HDGFL3: variants seen among roughly 807,000 people sequenced by gnomAD.
The protein encoded by HDGFL3 is hepatoma-derived growth factor-related protein 3.
HDGFL3 carries 6 observed loss-of-function variants against 27.6 expected under a neutral mutation model. That is an observed-to-expected ratio of 0.22 (90% confidence interval 0.12 to 0.43). HDGFL3 has a LOEUF of 0.43. Among genes scored for constraint, HDGFL3 ranks in the 20% least tolerant of loss-of-function variants. The pLI, the probability that HDGFL3 is intolerant of heterozygous loss-of-function variation, is 1.00. For synonymous variants in HDGFL3, 88 were observed against 88.9 expected, an observed-to-expected ratio of 0.99 and a Z score of 0.05; for missense variants, 207 against 250.1, an observed-to-expected ratio of 0.83 and a Z score of 1.16.
At chr15:83,171,046 GCTA>G (rs1178255494) in intron 1 of HDGFL3, among the ~76,000 whole-genome samples, 5 of 151,962 alleles carry the variant, frequency 3.3e-5, no homozygotes, top group South Asian at 2.1e-4. Context: ...AGTCATAATG[GCTA>G]CTATTTTCTT....
intron 2 of HDGFL3, 102 bp downstream of exon 2, chr15:83,163,897 T>C: frequency 1.3e-6 from 1 of 775,408 alleles, no homozygotes. Context: ...ATATAACTGA[T>C]TATAATGATT....
At chr15:83,167,330 G>A (rs181455854) in intron 1 of HDGFL3, among the ~76,000 whole-genome samples, 1 of 152,096 alleles carries the variant, frequency 6.6e-6, no homozygotes, top group Non-Finnish European at 1.5e-5. Flanking sequence ...CCGAGGCAGG[G>A]GGATCACCCG....
rs528486424 is a variant in HDGFL3 at position 83,174,654 on chromosome 15, C to T, written c.85-10579G>A. The stretch of plus-strand genomic sequence containing the variant: ...AACAGATCTCCAGAAAATGATCATG[C>T]TTTAAATGGCCAAAAATAAAACTTA... On this transcript the variant is annotated intron_variant, in intron 1 of 5. Transcript: ENST00000299633. Among the ~76,000 whole-genome samples the T allele has an allele frequency of 7.9e-5, 12 of 152,154 alleles. No individual in the cohort carries two copies. In the South Asian group the frequency reaches 2.5e-3, roughly 32 times the overall value.
intron 1 of HDGFL3, among the ~76,000 whole-genome samples, chr15:83,190,848 G>A (rs2037503083): frequency 6.6e-6 from 1 of 151,948 alleles, no homozygotes; most frequent in Non-Finnish European, 1.5e-5. Context: ...CTTACTCCAG[G>A]GACACAATGA....
chr15:83,125,791 G>A (rs942692721), downstream of HDGFL3, among the ~76,000 whole-genome samples: 2 of 152,340 alleles, frequency 1.3e-5, no homozygotes, highest in Non-Finnish European at 1.5e-5. Context: ...GGGCTACTGG[G>A]GGCCTGTGCA....
chr15:83,159,402 T>C (rs759043286), intron 2 of HDGFL3, among the ~76,000 whole-genome samples: 9 of 152,184 alleles, frequency 5.9e-5, no homozygotes, highest in Non-Finnish European at 1.0e-4. Flanking sequence ...TCAACAAACA[T>C]TGATTGAACA....
At chr15:83,145,984 C>T (rs1596546298) in intron 5 of HDGFL3, among the ~76,000 whole-genome samples, 1 of 129,854 alleles carries the variant, frequency 7.7e-6, no homozygotes, top group Non-Finnish European at 1.6e-5. Flanking sequence ...GATCTTGGCT[C>T]ACTGCAACCT....
At chr15:83,206,851 C>T (rs891255084) in intron 1 of HDGFL3, among the ~76,000 whole-genome samples, 1 of 152,246 alleles carries the variant, frequency 6.6e-6, no homozygotes, top group East Asian at 1.9e-4. Context: ...CAAGAGGCTC[C>T]CGCTGGCCTC....
At chr15:83,199,999 C>T (rs193272992) in intron 1 of HDGFL3, among the ~76,000 whole-genome samples, 7 of 147,724 alleles carry the variant, frequency 4.7e-5, no homozygotes, top group Non-Finnish European at 1.0e-4. Context: ...GAGCCGAGAT[C>T]GCCCCACTGC....
chr15:83,151,750 T>C (rs1389192515), intron 4 of HDGFL3, among the ~76,000 whole-genome samples: 1 of 152,168 alleles, frequency 6.6e-6, no homozygotes, highest in Non-Finnish European at 1.5e-5. Context: ...CTCCCCATCA[T>C]TTTATAGTAG....
chr15:83,117,003 G>A (rs888944098), intron 3 of HDGFL3, among the ~76,000 whole-genome samples: 8 of 152,192 alleles, frequency 5.3e-5, no homozygotes, highest in Admixed American at 5.2e-4. Flanking sequence ...AAAGGGTGGG[G>A]AGATGGAATT....
chr15:83,141,830 A>C (rs972869642), intron 5 of HDGFL3, among the ~76,000 whole-genome samples: 2 of 152,358 alleles, frequency 1.3e-5, no homozygotes, highest in Non-Finnish European at 2.9e-5. Context: ...AAATGAGTGA[A>C]TATTTGGAAG....
intron 5 of HDGFL3, among the ~76,000 whole-genome samples, chr15:83,140,424 T>C (rs116651006): frequency 0.012 from 1,813 of 151,984 alleles, 44 homozygotes; most frequent in African/African-American, 0.043. Flanking sequence ...CTTCCTCCCT[T>C]GTGAAGGAGG....
intron 4 of HDGFL3, among the ~76,000 whole-genome samples, chr15:83,156,375 G>T (rs529694457): frequency 6.6e-6 from 1 of 152,104 alleles, no homozygotes; most frequent in East Asian, 1.9e-4. Flanking sequence ...CGTGATTACT[G>T]TGTGCTACCC....
intron 1 of HDGFL3, among the ~76,000 whole-genome samples, chr15:83,197,460 T>C (rs1458584022): frequency 6.6e-6 from 1 of 152,190 alleles, no homozygotes; most frequent in African/African-American, 2.4e-5. Context: ...GATTGCTATA[T>C]CTCACAGTAG....
intron 1 of HDGFL3, among the ~76,000 whole-genome samples, chr15:83,195,347 GA>G (rs1406018536): frequency 6.6e-6 from 1 of 151,916 alleles, no homozygotes. Context: ...TTTTAATGTA[GA>G]TTTTTTTTTG....
intron 2 of HDGFL3, among the ~76,000 whole-genome samples, chr15:83,162,265 C>T (rs189871426): frequency 1.3e-5 from 2 of 152,218 alleles, no homozygotes; most frequent in East Asian, 3.9e-4. Flanking sequence ...AGTATAATCT[C>T]AGGTTCAGGG....
downstream of HDGFL3, chr15:83,122,755 AG>A: frequency 1.2e-6 from 2 of 1,613,022 alleles, no homozygotes; most frequent in Non-Finnish European, 1.7e-6. Flanking sequence ...TCTTTTAAAT[AG>A]GGAAGTATGG....
intron 1 of HDGFL3, among the ~76,000 whole-genome samples, chr15:83,204,981 T>C (rs892955003): frequency 5.9e-5 from 9 of 152,210 alleles, no homozygotes; most frequent in Admixed American, 3.9e-4. Flanking sequence ...ACAAAGTGCC[T>C]TCCTACAACA....
Sources: gnomAD v4.1 joint callset for allele counts (sites outside exome capture counted in the v4.1 genomes callset) on GRCh38, gnomAD v4.1.1 for gene constraint, MANE v1.5 for transcripts, NCBI Gene and HGNC (gene_info 2026-07-23, HGNC 2026-07-21) for gene names.